The following NAV2 variants were observed in gnomAD, a reference collection of about 807,000 sequenced individuals.
NAV2 encodes helicase, APC down-regulated 1.
NAV2 carries 54 observed loss-of-function variants against 223.2 expected under a neutral mutation model. The observed-to-expected ratio is 0.24, with a 90% CI of 0.19 to 0.30. NAV2 has a LOEUF of 0.30. Among genes scored for constraint, NAV2 ranks in the 10% least tolerant of loss-of-function variants. NAV2 has a pLI of 1.00. For synonymous variants in NAV2, 1,279 were observed against 1,239.3 expected (o/e 1.03, Z -0.67); for missense variants, 2,806 against 3,147.5 (o/e 0.89, Z 2.60).
intron 37 of NAV2, among the ~76,000 whole-genome samples, chr11:20,116,414 A>G (rs1029432804): frequency 2.0e-5 from 3 of 152,238 alleles, no homozygotes; most frequent in African/African-American, 7.2e-5. Flanking sequence ...CTAGTTTGCA[A>G]TATTTATAAC....
intron 1 of NAV2, among the ~76,000 whole-genome samples, chr11:19,529,087 C>T (rs534031718): frequency 1.1e-4 from 16 of 152,208 alleles, no homozygotes; most frequent in African/African-American, 2.9e-4. Context: ...CACTCCAGGT[C>T]GGAAAGAACT....
chr11:20,046,019 C>G (rs1237635557), intron 14 of NAV2, among the ~76,000 whole-genome samples: 1 of 152,166 alleles, frequency 6.6e-6, no homozygotes, highest in Non-Finnish European at 1.5e-5. Flanking sequence ...GTAGCTGTGT[C>G]TGGTCGTAGT....
Position 19,927,034 on chromosome 11 carries a change from T to C in NAV2, c.932-6142T>C, listed in dbSNP as rs542594861. ...TTCATTTAGAAAGCATTTTGGTTCCTGTCAGGGAAGGTTAAGGCTGGTTGC... is the reference window on the plus strand; with the variant it reads ...TTCATTTAGAAAGCATTTTGGTTCCCGTCAGGGAAGGTTAAGGCTGGTTGC... On this transcript the variant is annotated intron_variant, in intron 6 of 37. Coordinates refer to ENST00000349880, the MANE Select transcript of NAV2 (RefSeq NM_145117.5). Among the ~76,000 whole-genome samples the C allele has an allele frequency of 2.2e-4, 34 of 152,368 alleles. No homozygotes were observed. In the South Asian group the frequency reaches 2.3e-3, roughly 10 times the overall value.
At chr11:19,977,669 A>G (rs987496371) in intron 10 of NAV2, among the ~76,000 whole-genome samples, 3 of 152,114 alleles carry the variant, frequency 2.0e-5, no homozygotes, top group African/African-American at 7.2e-5. Flanking sequence ...TTAGTGCTGC[A>G]GTTTTATAAT....
At chr11:19,386,057 C>T (rs1366027325) in intron 1 of NAV2, among the ~76,000 whole-genome samples, 3 of 152,214 alleles carry the variant, frequency 2.0e-5, no homozygotes, top group African/African-American at 7.2e-5. Context: ...AGCCACCACA[C>T]CCAGCCCAAT....
upstream of NAV2, chr11:19,712,467 G>A (rs1179552219): frequency 6.6e-6 from 1 of 152,190 alleles, no homozygotes; most frequent in Non-Finnish European, 1.5e-5. Context: ...GCGTGACTCC[G>A]GAAGACTCAA....
intron 1 of NAV2, among the ~76,000 whole-genome samples, chr11:19,353,541 C>T (rs140284572): frequency 6.6e-6 from 1 of 152,264 alleles, no homozygotes; most frequent in Non-Finnish European, 1.5e-5. Flanking sequence ...TTTTTAGAGT[C>T]TACATTTTCA....
In NAV2 at chr11:20,095,764, C is replaced by CA. The variant is rs1397245049; in HGVS notation, c.6012dup (p.Glu2005ArgfsTer69). 1 of 1,612,798 alleles carries CA rather than the reference C, an allele frequency of 6.2e-7. No homozygotes were observed. Among genetic ancestry groups the CA allele is most frequent in the Non-Finnish European group, 8.5e-7 (1 of 1,178,904 alleles). ...TCGATGGGGTGGTTAGACGGCTGTT[C>CA]AAAGTAAGTGTTTCAAGACAACGGC... On this transcript the variant is annotated frameshift_variant, in exon 30 of 38. Coordinates refer to ENST00000349880, the MANE Select transcript of NAV2 (RefSeq NM_145117.5). LOFTEE classifies it high-confidence loss of function.
chr11:19,860,739 C>T (rs1282667528), intron 3 of NAV2, among the ~76,000 whole-genome samples: 2 of 152,030 alleles, frequency 1.3e-5, no homozygotes, highest in Non-Finnish European at 2.9e-5. Context: ...AGCCTGGGCA[C>T]CATTGAGCAC....
chr11:19,743,973 C>T (rs1183656599), intron 1 of NAV2, among the ~76,000 whole-genome samples: 4 of 152,232 alleles, frequency 2.6e-5, no homozygotes, highest in Non-Finnish European at 2.9e-5. Context: ...AGTATGCTTC[C>T]CCTCCACTGG....
chr11:19,360,612 G>C (rs1329379698), intron 1 of NAV2, among the ~76,000 whole-genome samples: 1 of 152,224 alleles, frequency 6.6e-6, no homozygotes, highest in Non-Finnish European at 1.5e-5. Context: ...CACTAGGGTA[G>C]GGACAGCGTC....
chr11:19,725,370 A>T (rs547189594), intron 1 of NAV2, among the ~76,000 whole-genome samples: 4 of 152,296 alleles, frequency 2.6e-5, no homozygotes, highest in South Asian at 4.2e-4. Context: ...TGGGGAAGAG[A>T]GACACATGCA....
chr11:19,956,239 C>A (rs1376820911), intron 10 of NAV2, among the ~76,000 whole-genome samples: 3 of 152,138 alleles, frequency 2.0e-5, no homozygotes, highest in African/African-American at 7.2e-5. Context: ...CCCACACAAC[C>A]AATTCTCCTA....
intron 1 of NAV2, among the ~76,000 whole-genome samples, chr11:19,431,049 T>G (rs1449055870): frequency 6.6e-6 from 1 of 152,252 alleles, no homozygotes; most frequent in African/African-American, 2.4e-5. Flanking sequence ...TAAATCTGCC[T>G]TATTTTAGCT....
At position 20,065,763 on chromosome 11, in the gene NAV2, T is replaced by C. The variant is rs143897147; in HGVS notation, c.4885-2423T>C. On this transcript the variant is annotated intron_variant, in intron 20 of 37. Transcript: ENST00000349880. Reference sequence around the variant, plus strand: ...GCCTGTCGATAGAAGTGTTTCAAAGTAGCCTTGTCCTATGTGGATGGCTAA... The same window carrying C: ...GCCTGTCGATAGAAGTGTTTCAAAGCAGCCTTGTCCTATGTGGATGGCTAA... Among the ~76,000 whole-genome samples the C allele has an allele frequency of 6.9e-3, 1,053 of 152,326 alleles. 12 individuals carry two copies. The highest frequency in any genetic ancestry group is 0.024 in the African/African-American group (1,012 of 41,582).
chr11:19,411,056 C>A (rs1022933374), intron 1 of NAV2, among the ~76,000 whole-genome samples: 5 of 152,162 alleles, frequency 3.3e-5, no homozygotes, highest in African/African-American at 1.2e-4. Context: ...AGGGCATTGG[C>A]ACAGCAATTG....
intron 1 of NAV2, among the ~76,000 whole-genome samples, chr11:19,634,648 T>C (rs984995711): frequency 6.6e-6 from 1 of 152,170 alleles, no homozygotes; most frequent in African/African-American, 2.4e-5. Context: ...CCCAGGGATA[T>C]AGAGGTGAGC....
At position 20,054,144 on chromosome 11, in the gene NAV2, G is replaced by A. The variant is rs1423234864; in HGVS notation, c.4546G>A (p.Ala1516Thr). ...DAKEWLRSHSAGGLQDTAANS... is the reference protein window; with the variant it reads ...DAKEWLRSHSTGGLQDTAANS... ...AAAAGAATGGTTACGGTCCCATTCT[G>A]CAGGAGGCCTTCAGGACACCGCTGC... Residue 1516 changes from alanine (A) to threonine (T), a missense_variant, in exon 18 of 38, where the codon GCA becomes ACA. This residue lies in a region of NAV2 where 742 missense variants were observed against 777.9 expected (regional missense o/e 0.95). Coordinates refer to ENST00000349880, the MANE Select transcript of NAV2 (RefSeq NM_145117.5). The A allele has an allele frequency of 3.1e-6, 5 of 1,613,648 alleles. No individual in the cohort carries two copies. The African/African-American group carries it at 5.3e-5, about 17-fold the overall frequency.
chr11:20,116,323 G>C (rs2063087728), intron 37 of NAV2, among the ~76,000 whole-genome samples: 1 of 152,142 alleles, frequency 6.6e-6, no homozygotes, highest in Admixed American at 6.5e-5. Context: ...CTGTTTGGTG[G>C]GATGTAGCTG....
Sources: allele counts gnomAD v4.1 joint callset (sites outside exome capture counted in the v4.1 genomes callset), GRCh38; gene constraint gnomAD v4.1.1; regional missense constraint gnomAD v4.1.1; transcripts MANE v1.5; gene names NCBI Gene and HGNC (gene_info 2026-07-23, HGNC 2026-07-21).